Variants in CCDC191 observed in about 807,000 individuals in gnomAD.
CCDC191 encodes coiled-coil domain-containing protein 191.
A neutral mutation model predicts 114.0 loss-of-function variants in CCDC191; 99 were observed. The observed-to-expected ratio is 0.87, with a 90% CI of 0.74 to 1.03. CCDC191 has a LOEUF of 1.03. CCDC191 is among the 50% of genes least tolerant of loss of function. The pLI is 0.00. For missense variants in CCDC191, 973 were observed against 1,087.0 expected, an observed-to-expected ratio of 0.90 and a Z score of 1.47; for synonymous variants, 351 against 376.0, an observed-to-expected ratio of 0.93 and a Z score of 0.77.
At chr3:114,026,656 A>G (rs1434307930) in intron 7 of CCDC191, among the ~76,000 whole-genome samples, 1 of 152,230 alleles carries the variant, frequency 6.6e-6, no homozygotes, top group Admixed American at 6.5e-5. Context: ...TGAGATATTT[A>G]ACTACAGTTT....
intron 13 of CCDC191, among the ~76,000 whole-genome samples, chr3:113,982,809 T>G (rs2107616532): frequency 6.7e-6 from 1 of 148,878 alleles, no homozygotes; most frequent in Non-Finnish European, 1.5e-5. Context: ...ATTATTCCTA[T>G]CAGTATGCAA....
chr3:113,990,527 T>G (rs1383534753), intron 13 of CCDC191, among the ~76,000 whole-genome samples: 1 of 151,766 alleles, frequency 6.6e-6, no homozygotes, highest in African/African-American at 2.4e-5. Context: ...AGGTGATGGG[T>G]GCACCTAAAC....
chr3:113,998,678 T>C (rs972444805), intron 13 of CCDC191, among the ~76,000 whole-genome samples: 2 of 152,118 alleles, frequency 1.3e-5, no homozygotes, highest in Non-Finnish European at 2.9e-5. Context: ...CCCAGGGTGA[T>C]CAGGAAGCTA....
intron 4 of CCDC191, among the ~76,000 whole-genome samples, chr3:114,041,193 T>C (rs2076554700): frequency 6.6e-6 from 1 of 152,110 alleles, no homozygotes; most frequent in Non-Finnish European, 1.5e-5. Context: ...TATGAAGTAC[T>C]GAAGTACCAC....
chr3:113,980,838 G>A (rs1051946258), intron 13 of CCDC191, 45 bp from the exon 14 acceptor site: 42 of 1,535,328 alleles, frequency 2.7e-5, no homozygotes, highest in Admixed American at 8.2e-5. Context: ...AAAAACGAAT[G>A]AGTTTCATTT....
rs2107534706 is a variant in CCDC191 at position 113,964,620 on chromosome 3, C to T, written c.*535G>A. ...GTTTCTCTGAAATCAGGATAAGCTG[C>T]TGTCCTCTGCAGCAGCTGTGTAGAG... On this transcript the variant is annotated 3_prime_UTR_variant, in exon 17 of 17. Transcript: ENST00000295878. 1 of 152,362 alleles carries T rather than the reference C, an allele frequency of 6.6e-6. No homozygotes were observed. The highest frequency in any genetic ancestry group is 1.9e-4 in the East Asian group (1 of 5,180). The allele number at this position is 152,362 out of a possible 1,614,324, so 9.4% of individuals were successfully genotyped here. A position where few individuals can be genotyped will look rare whatever the true frequency, so the allele number is the denominator to read the frequency against.
chr3:114,042,716 A>G lies in CCDC191; in HGVS notation c.402T>C (p.Tyr134=), dbSNP rs1231989287. Residue 134 remains tyrosine, a synonymous_variant, in exon 4 of 17, where the codon TAT becomes TAC. Transcript: ENST00000295878. ...GTAAGTTCTTACCATCAAACTTGTC[A>G]TATTTCAAATGGCCATTGGCTTCCG... ...IMPEANGHLK[Y]DKFDDLCGYL... 2.5e-6 allele frequency: 4 copies of G among 1,580,528 alleles called. No individual in the cohort carries two copies. Among genetic ancestry groups the G allele is most frequent in the Admixed American group, 1.9e-5 (1 of 52,146 alleles).
At chr3:114,026,187 T>C (rs890904305) in intron 7 of CCDC191, among the ~76,000 whole-genome samples, 2 of 152,204 alleles carry the variant, frequency 1.3e-5, no homozygotes, top group Admixed American at 1.3e-4. Context: ...TGCAAAACAC[T>C]AGCACAATAT....
chr3:114,053,768 T>C (rs1250838691), intron 1 of CCDC191, 133 bp from the exon 2 acceptor site: 1 of 531,708 alleles, frequency 1.9e-6, no homozygotes, highest in Non-Finnish European at 3.3e-6. Context: ...CATTAGAAAG[T>C]TCAGCATGAT....
chr3:113,969,405 A>G (rs1940570987), intron 16 of CCDC191, among the ~76,000 whole-genome samples: 1 of 152,204 alleles, frequency 6.6e-6, no homozygotes. Flanking sequence ...TTGAGGTCTT[A>G]CACAAAAAAT....
At chr3:114,027,608 AAAAAAAAAAAAAAAG>A (rs1320701119) in intron 7 of CCDC191, among the ~76,000 whole-genome samples, 1 of 149,104 alleles carries the variant, frequency 6.7e-6, no homozygotes, top group Non-Finnish European at 1.5e-5. Flanking sequence ...TCTCAAAAAA[AAAAAAAAAAAAAAAG>A]AAAAAAAAAT....
At chr3:114,034,290 T>C (rs2076449135) in intron 6 of CCDC191, among the ~76,000 whole-genome samples, 1 of 152,160 alleles carries the variant, frequency 6.6e-6, no homozygotes, top group South Asian at 2.1e-4. Flanking sequence ...AACTAATCAA[T>C]GTAATACCTA....
chr3:114,005,057 AC>A (rs2075926608), intron 10 of CCDC191, among the ~76,000 whole-genome samples: 1 of 152,180 alleles, frequency 6.6e-6, no homozygotes, highest in Non-Finnish European at 1.5e-5. Flanking sequence ...AAACCATCTT[AC>A]GTGGCTTTTG....
intron 1 of CCDC191, among the ~76,000 whole-genome samples, chr3:114,056,093 T>G (rs1402054789): frequency 6.6e-6 from 1 of 151,854 alleles, no homozygotes; most frequent in Non-Finnish European, 1.5e-5. Context: ...GAACGGAGTT[T>G]GCAAACTCCT....
At chr3:113,971,134 T>A (rs1327480102) in intron 16 of CCDC191, among the ~76,000 whole-genome samples, 2 of 152,224 alleles carry the variant, frequency 1.3e-5, no homozygotes, top group Non-Finnish European at 2.9e-5. Flanking sequence ...CCCTGAGGAA[T>A]CACCACACTG....
At chr3:113,996,913 C>T (rs1351856283) in intron 13 of CCDC191, among the ~76,000 whole-genome samples, 2 of 152,108 alleles carry the variant, frequency 1.3e-5, no homozygotes, top group Non-Finnish European at 2.9e-5. Context: ...GGACAAATAC[C>T]TAATGCATGC....
chr3:113,970,328 T>C (rs1470165435), intron 16 of CCDC191, among the ~76,000 whole-genome samples: 1 of 152,070 alleles, frequency 6.6e-6, no homozygotes, highest in African/African-American at 2.4e-5. Flanking sequence ...CCTTTTCAAT[T>C]TGGATACATT....
chr3:114,012,649 A>G (rs2076090500), intron 8 of CCDC191, among the ~76,000 whole-genome samples: 1 of 152,212 alleles, frequency 6.6e-6, no homozygotes, highest in African/African-American at 2.4e-5. Context: ...AAAATCATAA[A>G]TTTCTACAGG....
intron 16 of CCDC191, among the ~76,000 whole-genome samples, chr3:113,969,597 A>G (rs886099357): frequency 2.6e-5 from 4 of 152,164 alleles, no homozygotes; most frequent in African/African-American, 9.7e-5. Flanking sequence ...ACCATTTATT[A>G]AAAGAGTGTC....
Sources: gnomAD v4.1 joint callset for allele counts (sites outside exome capture counted in the v4.1 genomes callset) on GRCh38, gnomAD v4.1.1 for gene constraint, MANE v1.5 for transcripts, NCBI Gene and HGNC (gene_info 2026-07-23, HGNC 2026-07-21) for gene names.